The following SLC10A7 variants were observed in gnomAD, a reference collection of about 807,000 sequenced individuals.
The protein encoded by SLC10A7 is solute carrier family 10 member 7.
SLC10A7 carries 29 observed loss-of-function variants against 43.2 expected under a neutral mutation model. The observed-to-expected ratio is 0.67, with a 90% CI of 0.50 to 0.92. The LOEUF (loss-of-function observed/expected upper bound fraction) is 0.92, where lower values mean the gene tolerates loss of function less well. Ranked by LOEUF, SLC10A7 falls within the 40% of genes least tolerant of loss-of-function variation. SLC10A7 has a pLI of 0.00. For synonymous variants in SLC10A7, 152 were observed against 144.8 expected (o/e 1.05, Z -0.35); for missense variants, 295 against 403.2 (o/e 0.73, Z 2.30).
chr4:146,373,168 G>A (rs1184238947), intron 5 of SLC10A7, among the ~76,000 whole-genome samples: 1 of 152,096 alleles, frequency 6.6e-6, no homozygotes, highest in Non-Finnish European at 1.5e-5. Flanking sequence ...AAACATCTCT[G>A]AAGTTATAAT....
chr4:146,449,772 T>TAAAAGTATAA (rs1252055707), intron 4 of SLC10A7, among the ~76,000 whole-genome samples: 8 of 152,196 alleles, frequency 5.3e-5, no homozygotes, highest in African/African-American at 1.9e-4. Flanking sequence ...GTTTATATAT[T>TAAAAGTATAA]CATTAATTAA....
In SLC10A7 at chr4:146,293,020, A is replaced by G. The variant is rs763066205; in HGVS notation, c.722-40T>C. 12 of 1,353,934 alleles carry G rather than the reference A, an allele frequency of 8.9e-6. No individual in the cohort carries two copies. The East Asian group carries it at 2.8e-4, about 32-fold the overall frequency. The allele number at this position is 1,353,934 out of a possible 1,614,324, so 83.9% of individuals were successfully genotyped here. On this transcript the variant is annotated intron_variant, in intron 8 of 11. Transcript: ENST00000335472. The stretch of plus-strand genomic sequence containing the variant: ...ATTGAATCTAAATTAGCACTCTAAA[A>G]GCAGTATTTGTAGCATACTTATTGG...
In SLC10A7 at chr4:146,403,382, T is replaced by C. The variant is rs1346647286; in HGVS notation, c.435+39401A>G. Reference sequence around the variant, plus strand: ...AGCACAGTCATGGAGTTTCCATTTTTCCCCCAGGAAACTTATTTTCTCCCA... The same window carrying C: ...AGCACAGTCATGGAGTTTCCATTTTCCCCCCAGGAAACTTATTTTCTCCCA... On this transcript the variant is annotated intron_variant, in intron 5 of 11. Coordinates refer to ENST00000335472, the MANE Select transcript of SLC10A7 (RefSeq NM_001029998.6). 2.6e-5 allele frequency among the ~76,000 whole-genome samples: 4 copies of C among 152,210 alleles called. No individual in the cohort carries two copies. In the South Asian group the frequency reaches 8.3e-4, roughly 32 times the overall value.
intron 1 of SLC10A7, among the ~76,000 whole-genome samples, chr4:146,519,081 AT>A (rs1738314411): frequency 5.7e-5 from 2 of 34,870 alleles, no homozygotes; most frequent in South Asian, 1.1e-3. Context: ...ATATATATAT[AT>A]ATATATATAT....
intron 4 of SLC10A7, among the ~76,000 whole-genome samples, chr4:146,498,141 G>A (rs1232691171): frequency 2.7e-5 from 4 of 149,664 alleles, no homozygotes; most frequent in Non-Finnish European, 5.9e-5. Context: ...ATTTTGAGAC[G>A]GAGTCTCGCT....
chr4:146,356,071 T>C (rs1180956561), intron 5 of SLC10A7, among the ~76,000 whole-genome samples: 1 of 148,074 alleles, frequency 6.8e-6, no homozygotes, highest in South Asian at 2.1e-4. Context: ...TATATATACA[T>C]ATATATAGTC....
intron 5 of SLC10A7, among the ~76,000 whole-genome samples, chr4:146,361,974 G>A (rs888257193): frequency 1.3e-5 from 2 of 152,036 alleles, no homozygotes; most frequent in Non-Finnish European, 2.9e-5. Context: ...TCTCTCAACA[G>A]CAGAATTGAT....
intron 5 of SLC10A7, among the ~76,000 whole-genome samples, chr4:146,335,250 G>GAAA (rs772547279): frequency 5.9e-4 from 42 of 70,602 alleles, no homozygotes; most frequent in Admixed American, 4.1e-3. Flanking sequence ...CACAGATGTT[G>GAAA]TAAAAAAAAA....
intron 10 of SLC10A7, among the ~76,000 whole-genome samples, chr4:146,259,967 A>T (rs1484238617): frequency 6.6e-6 from 1 of 152,246 alleles, no homozygotes; most frequent in African/African-American, 2.4e-5. Context: ...TTATTAGAAC[A>T]CAACAAGGAA....
rs572530353 is a variant in SLC10A7, at chr4:146,507,613, C to G, written c.320+2300G>C. ...TCAATCTGTCACCATAACTAACTTT[C>G]CAGTTTCCTCCATGACTACTGCCAC... is the stretch of plus-strand genomic sequence containing the variant. On this transcript the variant is annotated intron_variant, in intron 3 of 11. Coordinates refer to ENST00000335472, the MANE Select transcript of SLC10A7 (RefSeq NM_001029998.6). Among the ~76,000 whole-genome samples, 6 of 152,174 alleles carry G rather than the reference C, an allele frequency of 3.9e-5. No homozygotes were observed. The East Asian group carries it at 1.2e-3, about 29-fold the overall frequency.
At chr4:146,371,997 G>A (rs1736815614) in intron 5 of SLC10A7, among the ~76,000 whole-genome samples, 1 of 152,064 alleles carries the variant, frequency 6.6e-6, no homozygotes, top group African/African-American at 2.4e-5. Flanking sequence ...ATGTCAAATG[G>A]GTGAATGGGT....
intron 5 of SLC10A7, among the ~76,000 whole-genome samples, chr4:146,327,068 G>A (rs1733182704): frequency 6.6e-6 from 1 of 151,726 alleles, no homozygotes; most frequent in South Asian, 2.1e-4. Flanking sequence ...ATTACTTTTG[G>A]AAGAAAAAAA....
At chr4:146,505,600 G>C (rs973579385) in intron 3 of SLC10A7, among the ~76,000 whole-genome samples, 4 of 152,118 alleles carry the variant, frequency 2.6e-5, no homozygotes, top group Non-Finnish European at 4.4e-5. Context: ...TTCAACATTA[G>C]CTCTGAAATA....
At chr4:146,311,320 T>C (rs1425267560) in intron 6 of SLC10A7, among the ~76,000 whole-genome samples, 1 of 152,168 alleles carries the variant, frequency 6.6e-6, no homozygotes, top group Non-Finnish European at 1.5e-5. Context: ...GTTGACTGTC[T>C]GTAGAATCAC....
intron 10 of SLC10A7, among the ~76,000 whole-genome samples, chr4:146,279,484 A>G (rs1331594821): frequency 6.6e-6 from 1 of 152,188 alleles, no homozygotes; most frequent in East Asian, 1.9e-4. Context: ...AATCTCTGCT[A>G]TGTAAAATAT....
At chr4:146,343,814 ATAT>A (rs1398441206) in intron 5 of SLC10A7, among the ~76,000 whole-genome samples, 1 of 152,094 alleles carries the variant, frequency 6.6e-6, no homozygotes, top group Admixed American at 6.6e-5. Flanking sequence ...GTGGAACTTA[ATAT>A]TACAGGTACA....
intron 5 of SLC10A7, among the ~76,000 whole-genome samples, chr4:146,414,015 G>C (rs540719105): frequency 6.6e-6 from 1 of 152,288 alleles, no homozygotes; most frequent in South Asian, 2.1e-4. Context: ...ACTGCAGGAA[G>C]AGAAATTCAG....
chr4:146,482,915 C>T (rs1487752783), intron 4 of SLC10A7, among the ~76,000 whole-genome samples: 1 of 151,882 alleles, frequency 6.6e-6, no homozygotes, highest in Non-Finnish European at 1.5e-5. Context: ...ATCTTATAGG[C>T]CAACAGAGAG....
chr4:146,340,401 T>C (rs1734179116), intron 5 of SLC10A7, among the ~76,000 whole-genome samples: 1 of 151,834 alleles, frequency 6.6e-6, no homozygotes, highest in Admixed American at 6.6e-5. Flanking sequence ...ACCCAGGCTC[T>C]AGCAAATGCA....
Sources: gnomAD v4.1 joint callset for allele counts (sites outside exome capture counted in the v4.1 genomes callset) on GRCh38, gnomAD v4.1.1 for gene constraint, MANE v1.5 for transcripts, NCBI Gene and HGNC (gene_info 2026-07-23, HGNC 2026-07-21) for gene names.